EPB41L2: variants seen among roughly 807,000 people sequenced by gnomAD.
The protein encoded by EPB41L2 is band 4.1-like protein 2.
EPB41L2 carries 43 observed loss-of-function variants against 113.0 expected under a neutral mutation model. The observed-to-expected ratio is 0.38, with a 90% CI of 0.30 to 0.49. EPB41L2 has a LOEUF of 0.49. EPB41L2 is among the 20% of genes least tolerant of loss of function. The pLI, the probability that EPB41L2 is intolerant of heterozygous loss-of-function variation, is 0.95. For missense variants in EPB41L2, 1,147 were observed against 1,223.4 expected (o/e 0.94, Z 0.93); for synonymous variants, 442 against 436.7 (o/e 1.01, Z -0.15).
chr6:130,870,816 T>A (rs1785376485), intron 14 of EPB41L2, among the ~76,000 whole-genome samples: 1 of 148,806 alleles, frequency 6.7e-6, no homozygotes, highest in Non-Finnish European at 1.5e-5. Flanking sequence ...TTTGCTGGTT[T>A]TCTTTAAAAA....
intron 1 of EPB41L2, among the ~76,000 whole-genome samples, chr6:130,959,789 C>G (rs970342790): frequency 2.0e-5 from 3 of 152,152 alleles, no homozygotes; most frequent in African/African-American, 7.2e-5. Context: ...ATTCTGAGAG[C>G]TGAATAAATG....
chr6:130,993,846 A>G (rs1247306852), intron 1 of EPB41L2, among the ~76,000 whole-genome samples: 4 of 152,186 alleles, frequency 2.6e-5, no homozygotes, highest in African/African-American at 9.7e-5. Context: ...TAAAAAATAT[A>G]TTGGCCTACC....
At chr6:130,961,879 T>C (rs1438228256) in intron 1 of EPB41L2, among the ~76,000 whole-genome samples, 6 of 152,198 alleles carry the variant, frequency 3.9e-5, no homozygotes, top group Admixed American at 3.3e-4. Flanking sequence ...AGCAAGAGGA[T>C]GGAGGGAGGC....
intron 19 of EPB41L2, among the ~76,000 whole-genome samples, chr6:130,842,062 T>G (rs1352133266): frequency 6.6e-6 from 1 of 152,214 alleles, no homozygotes. Context: ...TTAACGTCTT[T>G]TCCAAGAGAC....
At chr6:130,954,040 C>CTTTTTTCTTTTTTTTTTTT (rs1816395598) in intron 3 of EPB41L2, among the ~76,000 whole-genome samples, 1 of 58,850 alleles carries the variant, frequency 1.7e-5, no homozygotes, top group Non-Finnish European at 3.3e-5. Flanking sequence ...CCTTTTCTTT[C>CTTTTTTCTTTTTTTTTTTT]TTTTTTTTTT....
chr6:131,026,266 A>T (rs1216907816), intron 1 of EPB41L2, among the ~76,000 whole-genome samples: 2 of 152,244 alleles, frequency 1.3e-5, no homozygotes, highest in African/African-American at 4.8e-5. Context: ...AAGCTTTATC[A>T]TTATAACCAA....
chr6:130,943,013 T>C (rs143800702), intron 3 of EPB41L2, among the ~76,000 whole-genome samples: 4,014 of 152,322 alleles, frequency 0.026, 181 homozygotes, highest in African/African-American at 0.092. Context: ...GCATTTGGGT[T>C]GGTTCCAAGT....
chr6:130,876,829 T>A, intron 14 of EPB41L2: 1 of 1,119,694 alleles, frequency 8.9e-7, no homozygotes, highest in Non-Finnish European at 1.2e-6. Flanking sequence ...ACATTACACC[T>A]ATAGCAACAC....
At chr6:130,905,223 C>T (rs567159171) in intron 5 of EPB41L2, among the ~76,000 whole-genome samples, 13 of 152,046 alleles carry the variant, frequency 8.6e-5, no homozygotes, top group African/African-American at 3.1e-4. Context: ...TAAAACACTG[C>T]TATTTATACG....
rs1779622476 is a variant in EPB41L2 at position 130,854,369 on chromosome 6, T to C, written c.*5+3762A>G. Among the ~76,000 whole-genome samples the C allele has an allele frequency of 2.2e-5, 3 of 136,646 alleles. No individual in the cohort carries two copies. In the South Asian group the frequency reaches 7.6e-4, roughly 35 times the overall value. The allele number at this position is 136,646 out of a possible 152,430, so 89.6% of individuals were successfully genotyped here. A position where few individuals can be genotyped will look rare whatever the true frequency, so the allele number is the denominator to read the frequency against. On this transcript the variant is annotated intron_variant, in intron 19 of 19. Coordinates refer to ENST00000337057, the MANE Select transcript of EPB41L2 (RefSeq NM_001431.4). ...AATGAATCTTTCCAAATTTATCTAG[T>C]TTGTTCACCTTATATGTAAGTTTAT...
At chr6:130,906,036 A>C (rs1048744465) in intron 5 of EPB41L2, among the ~76,000 whole-genome samples, 31 of 152,212 alleles carry the variant, frequency 2.0e-4, no homozygotes, top group Non-Finnish European at 3.7e-4. Flanking sequence ...ATTTTCCTGA[A>C]TATCAAGATA....
At chr6:130,989,627 T>A (rs780634574) in intron 1 of EPB41L2, among the ~76,000 whole-genome samples, 8 of 152,250 alleles carry the variant, frequency 5.3e-5, no homozygotes, top group African/African-American at 1.9e-4. Context: ...TTTGCTGTTA[T>A]AACGAAACCT....
At chr6:131,038,190 T>C (rs1238390204) in intron 1 of EPB41L2, among the ~76,000 whole-genome samples, 1 of 152,210 alleles carries the variant, frequency 6.6e-6, no homozygotes. Flanking sequence ...AAGCAATTTA[T>C]CATAGTTATT....
At chr6:131,017,768 T>C (rs1788565511) in intron 1 of EPB41L2, among the ~76,000 whole-genome samples, 1 of 152,214 alleles carries the variant, frequency 6.6e-6, no homozygotes, top group Admixed American at 6.5e-5. Context: ...AAGATGGTTA[T>C]GCCAACTTAG....
chr6:130,993,699 T>G (rs1782425182), intron 1 of EPB41L2, among the ~76,000 whole-genome samples: 1 of 152,138 alleles, frequency 6.6e-6, no homozygotes, highest in Non-Finnish European at 1.5e-5. Flanking sequence ...GCAAGTGACC[T>G]TGCTCCTTGG....
In EPB41L2 at chr6:130,867,590, G is replaced by A; in HGVS notation, c.2608-9C>T. On this transcript the variant is annotated splice_polypyrimidine_tract_variant and intron_variant, in intron 15 of 19. Transcript: ENST00000337057. ...GTTTTTACCACTGGTGGCTGAGGTG[G>A]AAAAGGAAGGGAAAAATAAATTCTA... 1 of 1,613,584 alleles carries A rather than the reference G, an allele frequency of 6.2e-7. No individual in the cohort carries two copies. The highest frequency in any genetic ancestry group is 8.5e-7 in the Non-Finnish European group (1 of 1,179,702).
intron 1 of EPB41L2, among the ~76,000 whole-genome samples, chr6:130,974,781 A>G (rs1777808286): frequency 8.2e-6 from 1 of 121,582 alleles, no homozygotes; most frequent in South Asian, 2.9e-4. Context: ...GCTGGAGTAC[A>G]GTGGCGCGAT....
intron 1 of EPB41L2, among the ~76,000 whole-genome samples, chr6:131,051,915 T>G (rs999423861): frequency 1.3e-5 from 2 of 151,076 alleles, no homozygotes; most frequent in African/African-American, 4.9e-5. Flanking sequence ...AATTAGGATG[T>G]AGCCTGTGCT....
intron 1 of EPB41L2, among the ~76,000 whole-genome samples, chr6:130,993,042 A>G (rs11968011): frequency 0.085 from 12,999 of 152,250 alleles, 1,831 homozygotes; most frequent in African/African-American, 0.29. Flanking sequence ...TTATTTCATA[A>G]TAAGGAAAAA....
Sources: allele counts gnomAD v4.1 joint callset (sites outside exome capture counted in the v4.1 genomes callset), GRCh38; gene constraint gnomAD v4.1.1; transcripts MANE v1.5; gene names NCBI Gene and HGNC (gene_info 2026-07-23, HGNC 2026-07-21).